KAZN: variants seen among roughly 807,000 people sequenced by gnomAD.
The protein encoded by KAZN is kazrin, periplakin interacting protein.
Under a neutral mutation model 87.4 loss-of-function variants are expected in KAZN, and 40 were observed. That is an observed-to-expected ratio of 0.46 (90% CI 0.36 to 0.60). The LOEUF (loss-of-function observed/expected upper bound fraction) is 0.60, where lower values mean the gene tolerates loss of function less well. Among genes scored for constraint, KAZN ranks in the 20% least tolerant of loss-of-function variants. The pLI is 0.00. For missense variants in KAZN, 898 were observed against 1,073.9 expected, an observed-to-expected ratio of 0.84 and a Z score of 2.29; for synonymous variants, 466 against 458.3, an observed-to-expected ratio of 1.02 and a Z score of -0.22.
chr1:15,082,191 T>C (rs1421944479), intron 8 of KAZN, among the ~76,000 whole-genome samples: 1 of 152,116 alleles, frequency 6.6e-6, no homozygotes, highest in East Asian at 1.9e-4. Context: ...TCTGAGACCC[T>C]ATGGGGCAGC....
chr1:13,967,191 A>G (rs543520986), intron 1 of KAZN, among the ~76,000 whole-genome samples: 2 of 152,214 alleles, frequency 1.3e-5, no homozygotes, highest in Admixed American at 1.3e-4. Flanking sequence ...GGTACCTGGT[A>G]GTTGGCTTCC....
chr1:14,670,141 T>TTTCCTTCCCTTC (rs1393742614), intron 1 of KAZN, among the ~76,000 whole-genome samples: 1 of 151,976 alleles, frequency 6.6e-6, no homozygotes, highest in African/African-American at 2.4e-5. Context: ...CCCTTCCCTT[T>TTTCCTTCCCTTC]TTCCTTCCCT....
intron 1 of KAZN, among the ~76,000 whole-genome samples, chr1:14,096,443 G>T (rs1027477643): frequency 4.6e-5 from 7 of 152,210 alleles, no homozygotes; most frequent in Non-Finnish European, 7.3e-5. Context: ...AAAAGGTGCA[G>T]GTGCCTGCCT....
chr1:14,202,848 C>T (rs1051404444), intron 2 of KAZN, among the ~76,000 whole-genome samples: 2 of 152,002 alleles, frequency 1.3e-5, no homozygotes, highest in Non-Finnish European at 2.9e-5. Flanking sequence ...AAAATCCCGT[C>T]TCTACTAAAC....
intron 2 of KAZN, among the ~76,000 whole-genome samples, chr1:14,430,101 G>A (rs372624279): frequency 1.5e-4 from 23 of 151,454 alleles, no homozygotes; most frequent in East Asian, 1.2e-3. Flanking sequence ...CCAAACGACC[G>A]CATGGCTTAC....
chr1:14,230,489 G>A (rs575376229), intron 2 of KAZN, among the ~76,000 whole-genome samples: 3 of 152,194 alleles, frequency 2.0e-5, no homozygotes, highest in African/African-American at 7.2e-5. Flanking sequence ...AAACATTAAG[G>A]GTCACAGCTT....
rs1295489929 is a variant in KAZN, at chr1:13,961,718, AC to A, written c.91+67964del. Among the ~76,000 whole-genome samples, 8 of 152,200 alleles carry A rather than the reference AC, an allele frequency of 5.3e-5. No homozygotes were observed. In the East Asian group the frequency reaches 1.3e-3, roughly 26 times the overall value. On this transcript the variant is annotated intron_variant, in intron 1 of 16. Coordinates refer to the KAZN transcript ENST00000636203. ...GTAGCCCACAGGGACTCAGACAAGG[AC>A]CATACCTGACCTCACCTTGAGATTC...
intron 1 of KAZN, among the ~76,000 whole-genome samples, chr1:14,645,807 G>A (rs1439339722): frequency 1.3e-5 from 2 of 152,186 alleles, no homozygotes; most frequent in South Asian, 2.1e-4. Flanking sequence ...GTGAGAGAGG[G>A]CATCCTTGTC....
chr1:14,910,719 G>A (rs1399920833), intron 1 of KAZN, among the ~76,000 whole-genome samples: 1 of 152,158 alleles, frequency 6.6e-6, no homozygotes, highest in Non-Finnish European at 1.5e-5. Context: ...CAGTGAAGAT[G>A]GCCGGCATGC....
At chr1:15,007,303 C>T (rs890760722) in intron 2 of KAZN, among the ~76,000 whole-genome samples, 1 of 152,096 alleles carries the variant, frequency 6.6e-6, no homozygotes, top group African/African-American at 2.4e-5. Flanking sequence ...ATGATTAACC[C>T]CATTTATCAC....
chr1:14,928,981 A>G (rs1411445660), intron 1 of KAZN, among the ~76,000 whole-genome samples: 1 of 152,216 alleles, frequency 6.6e-6, no homozygotes, highest in Non-Finnish European at 1.5e-5. Flanking sequence ...GGAATCAAAC[A>G]CACACTGATT....
chr1:14,566,929 A>G (rs564438060), intron 2 of KAZN, among the ~76,000 whole-genome samples: 1 of 152,350 alleles, frequency 6.6e-6, no homozygotes, highest in East Asian at 1.9e-4. Flanking sequence ...AACTTTATCC[A>G]TATCAGCAAC....
At chr1:14,102,478 T>C (rs1285526376) in intron 1 of KAZN, among the ~76,000 whole-genome samples, 1 of 152,016 alleles carries the variant, frequency 6.6e-6, no homozygotes, top group African/African-American at 2.4e-5. Context: ...TGGGTGATCC[T>C]AGTTCCTGCT....
At chr1:14,468,928 G>A (rs1231275759) in intron 2 of KAZN, among the ~76,000 whole-genome samples, 2 of 152,086 alleles carry the variant, frequency 1.3e-5, no homozygotes, top group Non-Finnish European at 2.9e-5. Flanking sequence ...TCAGTCTTTG[G>A]CTTCATCTTG....
At position 15,051,940 on chromosome 1, in the gene KAZN, G is replaced by A. The variant is rs952691587; in HGVS notation, c.727-4151G>A. On this transcript the variant is annotated intron_variant, in intron 4 of 14. Coordinates refer to ENST00000376030, the MANE Select transcript of KAZN (RefSeq NM_201628.3). Reference sequence around the variant, plus strand: ...TCTGTCTGACTTTTGTCAAATGGATGCATTTGTGTCAAGTTAACAATTCCC... The same window carrying A: ...TCTGTCTGACTTTTGTCAAATGGATACATTTGTGTCAAGTTAACAATTCCC... 5.3e-5 allele frequency among the ~76,000 whole-genome samples: 8 copies of A among 152,218 alleles called. No homozygotes were observed. The South Asian group carries it at 6.2e-4, about 12-fold the overall frequency.
chr1:14,042,859 C>T (rs751819667), intron 1 of KAZN, among the ~76,000 whole-genome samples: 23 of 152,288 alleles, frequency 1.5e-4, no homozygotes, highest in South Asian at 6.2e-4. Context: ...TTTCTGCTTA[C>T]GTACCTGGCC....
chr1:14,564,851 T>C (rs1674462680), intron 2 of KAZN, among the ~76,000 whole-genome samples: 3 of 151,832 alleles, frequency 2.0e-5, no homozygotes, highest in African/African-American at 4.8e-5. Context: ...AAAAATAAAG[T>C]AAATGCCATA....
At chr1:14,658,646 G>T (rs970190205) in intron 1 of KAZN, among the ~76,000 whole-genome samples, 4 of 152,172 alleles carry the variant, frequency 2.6e-5, no homozygotes, top group Admixed American at 1.3e-4. Context: ...CTTTGGGACA[G>T]GGAGTTTGGC....
intron 10 of KAZN, among the ~76,000 whole-genome samples, chr1:15,095,619 C>T (rs1366119355): frequency 1.3e-5 from 2 of 151,886 alleles, no homozygotes; most frequent in African/African-American, 2.4e-5. Flanking sequence ...CCCGCCCCAC[C>T]CCGTTCTGAG....
Sources: allele counts gnomAD v4.1 joint callset (sites outside exome capture counted in the v4.1 genomes callset), GRCh38; gene constraint gnomAD v4.1.1; transcripts MANE v1.5; gene names NCBI Gene and HGNC (gene_info 2026-07-23, HGNC 2026-07-21).